OSBPL8: variants seen among roughly 807,000 people sequenced by gnomAD.
The protein encoded by OSBPL8 is oxysterol binding protein like 8, also known as oxysterol-binding protein-related protein 8.
Under a neutral mutation model 125.5 loss-of-function variants are expected in OSBPL8, and 59 were observed. The observed-to-expected ratio is 0.47, with a 90% CI of 0.38 to 0.58. The LOEUF (loss-of-function observed/expected upper bound fraction) is 0.58, where lower values mean the gene tolerates loss of function less well. OSBPL8 is among the 20% of genes least tolerant of loss of function. The pLI is 0.00. For missense variants in OSBPL8, 758 were observed against 1,047.8 expected (o/e 0.72, Z 3.82); for synonymous variants, 330 against 338.9 (o/e 0.97, Z 0.29).
chr12:76,390,889 A>G (rs1015078663), intron 10 of OSBPL8, among the ~76,000 whole-genome samples: 1 of 152,192 alleles, frequency 6.6e-6, no homozygotes, highest in African/African-American at 2.4e-5. Flanking sequence ...TTAAAAACCT[A>G]GAGAAATGCA....
intron 1 of OSBPL8, among the ~76,000 whole-genome samples, chr12:76,550,370 T>A (rs1269550133): frequency 6.6e-6 from 1 of 152,198 alleles, no homozygotes; most frequent in African/African-American, 2.4e-5. Context: ...TGGCTTAGCA[T>A]TAAATAATAC....
At chr12:76,471,117 T>C (rs185406884) in intron 2 of OSBPL8, among the ~76,000 whole-genome samples, 1 of 152,334 alleles carries the variant, frequency 6.6e-6, no homozygotes, top group East Asian at 1.9e-4. Flanking sequence ...CTGCCCACTG[T>C]CTGGCTAACT....
rs894292403 is a variant in OSBPL8 at position 76,354,592 on chromosome 12, A to G, written c.*1297T>C. On this transcript the variant is annotated 3_prime_UTR_variant, in exon 24 of 24. Transcript: ENST00000261183. ...GGATTCTAAGACATATTTTAGAACA[A>G]CATATTCCTAAACTGAACTACCTTG... The G allele has an allele frequency of 3.3e-5, 5 of 152,006 alleles. No individual in the cohort carries two copies. The highest frequency in any genetic ancestry group is 2.0e-4 in the Admixed American group (3 of 15,254). The allele number at this position is 152,006 out of a possible 1,614,324, so 9.4% of individuals were successfully genotyped here.
chr12:76,358,823 A>C lies in OSBPL8; in HGVS notation c.2329-12T>G, dbSNP rs766592885. ...TTGGGGACGCTAACCTAAAGAAAAA[A>C]ATAACTATTTTGTGAATTTGCACTG... is the stretch of plus-strand genomic sequence containing the variant. On this transcript the variant is annotated splice_polypyrimidine_tract_variant and intron_variant, in intron 21 of 23. Transcript: ENST00000261183. The C allele has an allele frequency of 1.9e-6, 3 of 1,606,580 alleles. No homozygotes were observed. The Admixed American group carries it at 5.0e-5, about 27-fold the overall frequency.
chr12:76,554,167 AAAAT>A (rs1951027657), intron 1 of OSBPL8, among the ~76,000 whole-genome samples: 1 of 152,146 alleles, frequency 6.6e-6, no homozygotes, highest in South Asian at 2.1e-4. Flanking sequence ...GATGAACAAT[AAAAT>A]AAATATTTGC....
intron 5 of OSBPL8, among the ~76,000 whole-genome samples, chr12:76,406,485 T>A (rs758903328): frequency 1.3e-5 from 2 of 152,218 alleles, no homozygotes; most frequent in African/African-American, 2.4e-5. Context: ...ATGTTGTAAT[T>A]CCTTTGGTTG....
intron 23 of OSBPL8, 151 bp from the exon 24 acceptor site, chr12:76,356,172 C>CG (rs1951979837): frequency 6.6e-5 from 9 of 137,272 alleles, no homozygotes; most frequent in South Asian, 2.3e-4. Context: ...TGGGGGGGGG[C>CG]GGGGTCTGGG....
chr12:76,439,535 G>A (rs980009130), intron 4 of OSBPL8, among the ~76,000 whole-genome samples: 3 of 152,136 alleles, frequency 2.0e-5, no homozygotes, highest in Non-Finnish European at 2.9e-5. Flanking sequence ...CTTGGGGGGA[G>A]AGTGTTTTTA....
At position 76,391,929 on chromosome 12, in the gene OSBPL8, G is replaced by A. The variant is rs570260618; in HGVS notation, c.929+652C>T. 2.0e-5 allele frequency among the ~76,000 whole-genome samples: 3 copies of A among 152,296 alleles called. No homozygotes were observed. In the South Asian group the frequency reaches 6.2e-4, roughly 32 times the overall value. On this transcript the variant is annotated intron_variant, in intron 10 of 23. Coordinates refer to ENST00000261183, the MANE Select transcript of OSBPL8 (RefSeq NM_020841.5). ...AGTGGTTACAGAGCAGAAGCCAAGG[G>A]GTGGGGACAGGGAGGAAATAGAAAA... is the stretch of plus-strand genomic sequence containing the variant.
intron 1 of OSBPL8, among the ~76,000 whole-genome samples, chr12:76,500,328 T>C (rs1879770752): frequency 6.6e-6 from 1 of 152,244 alleles, no homozygotes; most frequent in African/African-American, 2.4e-5. Context: ...TGCCTTTGCC[T>C]GCATTCTTCC....
At chr12:76,365,573 T>C (rs908710023) in intron 21 of OSBPL8, among the ~76,000 whole-genome samples, 2 of 152,194 alleles carry the variant, frequency 1.3e-5, no homozygotes, top group African/African-American at 2.4e-5. Flanking sequence ...GTTTTACTTG[T>C]TTCCAATTTT....
chr12:76,390,671 ATTT>A lies in OSBPL8; in HGVS notation c.930-17_930-15del. ...CTATCATTTAACCTTAAGGGAAAGA[ATTT>A]TTAGGAGGAAGAATCAAGGATGTTA... On this transcript the variant is annotated splice_polypyrimidine_tract_variant and intron_variant, in intron 10 of 23. Coordinates refer to ENST00000261183, the MANE Select transcript of OSBPL8 (RefSeq NM_020841.5). 1 of 1,492,628 alleles carries A rather than the reference ATTT, an allele frequency of 6.7e-7. No homozygotes were observed. Among genetic ancestry groups the A allele is most frequent in the Non-Finnish European group, 9.3e-7 (1 of 1,072,812 alleles). 92.5% of individuals were successfully genotyped at this position (1,492,628 alleles called of 1,614,324 possible). A position where few individuals can be genotyped will look rare whatever the true frequency, so the allele number is the denominator to read the frequency against.
chr12:76,527,236 TG>T (rs752211719), intron 1 of OSBPL8, among the ~76,000 whole-genome samples: 2 of 127,968 alleles, frequency 1.6e-5, no homozygotes, highest in Non-Finnish European at 3.2e-5. Flanking sequence ...TTAAGGAGGG[TG>T]GTGGGCCGGG....
chr12:76,474,641 C>T (rs1411326771), intron 2 of OSBPL8, among the ~76,000 whole-genome samples: 1 of 152,038 alleles, frequency 6.6e-6, no homozygotes, highest in Non-Finnish European at 1.5e-5. Context: ...GCCACCATGA[C>T]TGGCTAATGT....
At chr12:76,458,487 C>A (rs35247835) in intron 3 of OSBPL8, among the ~76,000 whole-genome samples, 30,971 of 151,878 alleles carry the variant, frequency 0.2, 3,396 homozygotes, top group Non-Finnish European at 0.26. Context: ...ACCAGGAGTT[C>A]AAGACCAGCC....
chr12:76,522,598 T>C (rs1186710762), intron 1 of OSBPL8, among the ~76,000 whole-genome samples: 1 of 152,214 alleles, frequency 6.6e-6, no homozygotes, highest in Non-Finnish European at 1.5e-5. Context: ...TCTCTTCACA[T>C]GTGCCTGCTT....
At chr12:76,449,370 G>A (rs1287541985) in intron 4 of OSBPL8, among the ~76,000 whole-genome samples, 1 of 152,182 alleles carries the variant, frequency 6.6e-6, no homozygotes, top group Non-Finnish European at 1.5e-5. Context: ...TAGAAACTGT[G>A]ATCCCTGAAC....
chr12:76,446,295 T>C (rs1237972317), intron 4 of OSBPL8, among the ~76,000 whole-genome samples: 1 of 152,202 alleles, frequency 6.6e-6, no homozygotes, highest in Non-Finnish European at 1.5e-5. Flanking sequence ...CCTCCAGCAG[T>C]TAATCTTCAC....
intron 1 of OSBPL8, among the ~76,000 whole-genome samples, chr12:76,530,120 C>G (rs945893332): frequency 1.5e-4 from 22 of 151,310 alleles, no homozygotes; most frequent in Non-Finnish European, 2.5e-4. Flanking sequence ...GTGGCAAGAT[C>G]ATAGTTCACT....
Sources: allele counts gnomAD v4.1 joint callset (sites outside exome capture counted in the v4.1 genomes callset), GRCh38; gene constraint gnomAD v4.1.1; transcripts MANE v1.5; gene names NCBI Gene and HGNC (gene_info 2026-07-23, HGNC 2026-07-21).